MXD4: variants seen among roughly 807,000 people sequenced by gnomAD.
MXD4 encodes MAX dimerization protein 4, also known as Mad4 homolog.
A neutral mutation model predicts 24.5 loss-of-function variants in MXD4; 16 were observed. The observed-to-expected ratio is 0.65, with a 90% CI of 0.44 to 0.99. The LOEUF is 0.99. MXD4 is among the 50% of genes least tolerant of loss of function. The pLI is 0.00. For synonymous variants in MXD4, 164 were observed against 134.2 expected (o/e 1.22, Z -1.54); for missense variants, 301 against 301.5 (o/e 1.00, Z 0.01).
At position 2,249,483 on chromosome 4, in the gene MXD4, A is replaced by G. The variant is rs1735267201; in HGVS notation, c.*1061T>C. 1 of 150,202 alleles carries G rather than the reference A, an allele frequency of 6.7e-6. No homozygotes were observed. Among genetic ancestry groups the G allele is most frequent in the African/African-American group, 2.5e-5 (1 of 40,566 alleles). The allele number at this position is 150,202 out of a possible 1,614,324, so 9.3% of individuals were successfully genotyped here. ...TTTTTTCTGGGAAAGCCTCTCTGCC[A>G]GCTGAAGCTGCCGCAGCAGAGCTCA... On this transcript the variant is annotated 3_prime_UTR_variant, in exon 6 of 6. Coordinates refer to ENST00000337190, the MANE Select transcript of MXD4 (RefSeq NM_006454.3).
rs368623606 is a variant in MXD4, at chr4:2,253,130, G to GTGCT, written c.195-612_195-609dup. ...AAAACTGGAGCCATGACATCCAGTGGTGCTTGCTTGCTTGTTCACACTCAA... is the reference window on the plus strand; with the variant it reads ...AAAACTGGAGCCATGACATCCAGTGGTGCTTGCTTGCTTGCTTGTTCACACTCAA... On this transcript the variant is annotated intron_variant, in intron 3 of 5. Coordinates refer to ENST00000337190, the MANE Select transcript of MXD4 (RefSeq NM_006454.3). 718 of 154,142 alleles carry GTGCT rather than the reference G, an allele frequency of 4.7e-3. 5 individuals carry two copies. The highest frequency in any genetic ancestry group is 0.016 in the African/African-American group (684 of 41,556). 9.5% of individuals were successfully genotyped at this position (154,142 alleles called of 1,614,324 possible). A position where few individuals can be genotyped will look rare whatever the true frequency, so the allele number is the denominator to read the frequency against.
chr4:2,254,226 C>A (rs1052811493), intron 3 of MXD4: 1 of 152,032 alleles, frequency 6.6e-6, no homozygotes, highest in African/African-American at 2.4e-5. Flanking sequence ...ATTAAAAGTA[C>A]CCCCGAATTC....
At chr4:2,258,814 C>G in intron 2 of MXD4, 2 of 436,930 alleles carry the variant, frequency 4.6e-6, no homozygotes, top group Non-Finnish European at 9.2e-6. Context: ...AGGGGCTGTG[C>G]TAGCAGGATG....
Position 2,252,769 on chromosome 4 carries a change from G to A in MXD4, c.195-247C>T, listed in dbSNP as rs571022862. The A allele has an allele frequency of 7.4e-4, 322 of 433,600 alleles. 1 individual carries two copies. The highest frequency in any genetic ancestry group is 5.9e-3 in the African/African-American group (285 of 48,088). The allele number at this position is 433,600 out of a possible 1,614,324, so 26.9% of individuals were successfully genotyped here. On this transcript the variant is annotated intron_variant, in intron 3 of 5. Transcript: ENST00000337190. ...ACCATGGCCTGCAAAGCCTCAGCGC[G>A]TCACCGCCAGGCATTTCCTAGGAGC...
At position 2,251,259 on chromosome 4, in the gene MXD4, G is replaced by C. The variant is rs772679275; in HGVS notation, c.310-13C>G. 115 of 1,576,818 alleles carry C rather than the reference G, an allele frequency of 7.3e-5. No homozygotes were observed. The East Asian group carries it at 2.5e-3, about 35-fold the overall frequency. ...GCTCCTCCAGTTTCTGGGGTCGAGGGGGGCTGTGAGCTCACAGCGGGAAGA... is the reference window on the plus strand; with the variant it reads ...GCTCCTCCAGTTTCTGGGGTCGAGGCGGGCTGTGAGCTCACAGCGGGAAGA... On this transcript the variant is annotated splice_polypyrimidine_tract_variant and intron_variant, in intron 4 of 5. Coordinates refer to ENST00000337190, the MANE Select transcript of MXD4 (RefSeq NM_006454.3).
chr4:2,262,095 C>T lies in MXD4; in HGVS notation c.-115G>A. 9.8e-6 allele frequency: 4 copies of T among 406,744 alleles called. No homozygotes were observed. Among genetic ancestry groups the T allele is most frequent in the South Asian group, 1.9e-4 (2 of 10,722 alleles). 25.2% of individuals were successfully genotyped at this position (406,744 alleles called of 1,614,324 possible). A position where few individuals can be genotyped will look rare whatever the true frequency, so the allele number is the denominator to read the frequency against. ...CCGGCCGCCGCACTTCCAGACTCCG[C>T]GGACTCCGGCGCTCGGCCGCCACCC... On this transcript the variant is annotated 5_prime_UTR_variant, in exon 1 of 6. Coordinates refer to ENST00000337190, the MANE Select transcript of MXD4 (RefSeq NM_006454.3).
intron 2 of MXD4, among the ~76,000 whole-genome samples, chr4:2,260,083 C>A (rs74678675): frequency 3.3e-5 from 5 of 152,246 alleles, no homozygotes; most frequent in Admixed American, 6.5e-5. Context: ...CAGGGCAGTG[C>A]TGCCCACCCG....
At chr4:2,257,130 C>T (rs1231757859) in intron 3 of MXD4, among the ~76,000 whole-genome samples, 2 of 152,172 alleles carry the variant, frequency 1.3e-5, no homozygotes, top group South Asian at 2.1e-4. Flanking sequence ...CCCGGGAGAA[C>T]GGAAGTTGGT....
intron 4 of MXD4, among the ~76,000 whole-genome samples, chr4:2,251,870 A>G (rs1049847130): frequency 1.3e-5 from 2 of 152,188 alleles, no homozygotes; most frequent in African/African-American, 4.8e-5. Context: ...GTTGGTCCAA[A>G]TGTCACAAGG....
chr4:2,253,077 C>G (rs972149988), intron 3 of MXD4: 1 of 155,252 alleles, frequency 6.4e-6, no homozygotes, highest in East Asian at 1.9e-4. Context: ...ATTCTGTCCC[C>G]GTATCCACAG....
At position 2,249,782 on chromosome 4, in the gene MXD4, C is replaced by G. The variant is rs749542198; in HGVS notation, c.*762G>C. On this transcript the variant is annotated 3_prime_UTR_variant, in exon 6 of 6. Transcript: ENST00000337190. ...GCCCAGGGGCTGTTTGCCAGATGAC[C>G]CCTGAAGGCCATCATCCCCAGAACA... The G allele has an allele frequency of 6.6e-6, 1 of 152,458 alleles. No homozygotes were observed. Among genetic ancestry groups the G allele is most frequent in the Middle Eastern group, 3.4e-3 (1 of 298 alleles). 9.4% of individuals were successfully genotyped at this position (152,458 alleles called of 1,614,324 possible).
intron 2 of MXD4, among the ~76,000 whole-genome samples, chr4:2,258,668 C>T (rs1735478636): frequency 6.6e-6 from 1 of 152,240 alleles, no homozygotes; most frequent in East Asian, 1.9e-4. Flanking sequence ...TGCGTGACCA[C>T]AGCCCACCTT....
chr4:2,250,303 G>C lies in MXD4; in HGVS notation c.*241C>G, dbSNP rs1191044609. 4 of 582,760 alleles carry C rather than the reference G, an allele frequency of 6.9e-6. No homozygotes were observed. In the East Asian group the frequency reaches 8.7e-5, roughly 13 times the overall value. The allele number at this position is 582,760 out of a possible 1,614,324, so 36.1% of individuals were successfully genotyped here. On this transcript the variant is annotated 3_prime_UTR_variant, in exon 6 of 6. Coordinates refer to ENST00000337190, the MANE Select transcript of MXD4 (RefSeq NM_006454.3). ...ACCGTGGGCGGCTATGCTGACCAGG[G>C]CTCCGGATGTGGAAGCTGGGCCCTG... is the stretch of plus-strand genomic sequence containing the variant.
In MXD4 at chr4:2,257,998, C is replaced by A; in HGVS notation, c.178G>T (p.Glu60Ter). Residue 60 changes from glutamate to a stop codon, truncating the protein, a stop_gained, in exon 3 of 6, where the codon GAG becomes TAG. Coordinates refer to ENST00000337190, the MANE Select transcript of MXD4 (RefSeq NM_006454.3). LOFTEE classifies it high-confidence loss of function. ...KAPNNRSSHN[E>*]LEKHRRAKLR... Reference sequence around the variant, plus strand: ...GTCACTTACCTGTGCTTTTCTAGCTCGTTGTGTGAAGACCTGTTTAGAAAG... The same window carrying A: ...GTCACTTACCTGTGCTTTTCTAGCTAGTTGTGTGAAGACCTGTTTAGAAAG... 6.2e-7 allele frequency: 1 copy of A among 1,613,704 alleles called. No homozygotes were observed. The highest frequency in any genetic ancestry group is 8.5e-7 in the Non-Finnish European group (1 of 1,179,944).
intron 2 of MXD4, among the ~76,000 whole-genome samples, chr4:2,258,498 G>A (rs905770021): frequency 6.6e-6 from 1 of 152,182 alleles, no homozygotes; most frequent in Non-Finnish European, 1.5e-5. Flanking sequence ...CCAGCCACCT[G>A]CCTTCCCTGC....
chr4:2,249,548 C>G lies in MXD4; in HGVS notation c.*996G>C, dbSNP rs755445254. 1 of 151,990 alleles carries G rather than the reference C, an allele frequency of 6.6e-6. No individual in the cohort carries two copies. The highest frequency in any genetic ancestry group is 1.5e-5 in the Non-Finnish European group (1 of 67,972). 9.4% of individuals were successfully genotyped at this position (151,990 alleles called of 1,614,324 possible). Reference sequence around the variant, plus strand: ...CTAAGGTGGCTCCAGGAGCCCTAACCGGGCTGCTGGGCAGTGCAGCATTTT... The same window carrying G: ...CTAAGGTGGCTCCAGGAGCCCTAACGGGGCTGCTGGGCAGTGCAGCATTTT... On this transcript the variant is annotated 3_prime_UTR_variant, in exon 6 of 6. Coordinates refer to ENST00000337190, the MANE Select transcript of MXD4 (RefSeq NM_006454.3).
At position 2,257,996 on chromosome 4, in the gene MXD4, C is replaced by A; in HGVS notation, c.180G>T (p.Glu60Asp). ...GGGTCACTTACCTGTGCTTTTCTAG[C>A]TCGTTGTGTGAAGACCTGTTTAGAA... ...KAPNNRSSHN[E>D]LEKHRRAKLR... is the part of the protein sequence containing the mutation. The change falls in exon 3 of 6, where the codon GAG becomes GAT. Residue 60 changes from glutamate to aspartate, a missense_variant. Transcript: ENST00000337190. The A allele has an allele frequency of 6.2e-7, 1 of 1,613,744 alleles. No individual in the cohort carries two copies. Among genetic ancestry groups the A allele is most frequent in the Non-Finnish European group, 8.5e-7 (1 of 1,179,962 alleles).
At chr4:2,254,268 AGT>A (rs1454884850) in intron 3 of MXD4, 2 of 152,240 alleles carry the variant, frequency 1.3e-5, no homozygotes, top group Non-Finnish European at 2.9e-5. Flanking sequence ...TTATCATTTT[AGT>A]GTGTTACATA....
At chr4:2,252,203 C>T (rs567971228) in intron 4 of MXD4, among the ~76,000 whole-genome samples, 7 of 152,260 alleles carry the variant, frequency 4.6e-5, no homozygotes, top group Admixed American at 3.9e-4. Flanking sequence ...GGAACAGCCT[C>T]GACCCCTTGG....
Sources: allele counts gnomAD v4.1 joint callset (sites outside exome capture counted in the v4.1 genomes callset), GRCh38; gene constraint gnomAD v4.1.1; transcripts MANE v1.5; gene names NCBI Gene and HGNC (gene_info 2026-07-23, HGNC 2026-07-21).